The following ATAD2B variants were observed in gnomAD, a reference collection of about 807,000 sequenced individuals.
ATAD2B encodes the protein ATPase family AAA domain-containing protein 2B.
A neutral mutation model predicts 167.6 loss-of-function variants in ATAD2B; 40 were observed. The ratio of observed to expected loss-of-function variants is 0.24; its 90% confidence interval spans 0.19 to 0.31. The LOEUF (loss-of-function observed/expected upper bound fraction) is 0.31. Among genes scored for constraint, ATAD2B ranks in the 10% least tolerant of loss-of-function variants. The pLI is 1.00. For synonymous variants in ATAD2B, 579 were observed against 596.5 expected (o/e 0.97, Z 0.43); for missense variants, 1,242 against 1,757.2 (o/e 0.71, Z 5.24).
intron 8 of ATAD2B, among the ~76,000 whole-genome samples, chr2:23,869,999 G>C (rs999563723): frequency 1.3e-5 from 2 of 152,046 alleles, no homozygotes; most frequent in East Asian, 3.9e-4. Flanking sequence ...CATGAGGTCA[G>C]GAGTTCGAGA....
intron 24 of ATAD2B, among the ~76,000 whole-genome samples, chr2:23,760,751 TACACACAC>T (rs202241182): frequency 3.0e-5 from 3 of 100,342 alleles, no homozygotes; most frequent in Admixed American, 2.3e-4. Flanking sequence ...CACACACACA[TACACACAC>T]ACACACACAC....
intron 18 of ATAD2B, among the ~76,000 whole-genome samples, chr2:23,805,143 CAA>C (rs574560679): frequency 2.6e-4 from 30 of 113,836 alleles, no homozygotes; most frequent in Admixed American, 2.7e-4. Flanking sequence ...AACCCTGTCT[CAA>C]AAAAAAAAAA....
the ATAD2B span, chr2:23,684,307 A>T: frequency 2.1e-6 from 2 of 949,864 alleles, no homozygotes; most frequent in Non-Finnish European, 2.9e-6. The surrounding 1 kb of genome is among the most constrained non-coding windows in gnomAD (Gnocchi z 4.4). Context: ...CTATTTCTCT[A>T]CTTCTTGAAA....
In ATAD2B at chr2:23,796,062, G is replaced by A. The variant is rs72851347; in HGVS notation, c.2640+2076C>T. Among the ~76,000 whole-genome samples the A allele has an allele frequency of 3.9e-5, 6 of 152,226 alleles. 1 individual carries two copies. The South Asian group carries it at 6.2e-4, about 16-fold the overall frequency. ...AGCCTGGGAAACATAATGAGACTTCGTCTCTACAAAAGTAAGTAAACAAAT... is the reference window on the plus strand; with the variant it reads ...AGCCTGGGAAACATAATGAGACTTCATCTCTACAAAAGTAAGTAAACAAAT... On this transcript the variant is annotated intron_variant, in intron 19 of 27. Transcript: ENST00000238789.
At chr2:23,732,078 G>C in the ATAD2B span, among the ~76,000 whole-genome samples, 1 of 151,866 alleles carries the variant, frequency 6.6e-6, no homozygotes, top group Non-Finnish European at 1.5e-5. Flanking sequence ...ATCTCAATTT[G>C]TACTAGCCAC....
the ATAD2B span, among the ~76,000 whole-genome samples, chr2:23,712,257 C>T: frequency 6.6e-5 from 10 of 152,138 alleles, no homozygotes; most frequent in Non-Finnish European, 1.0e-4. Flanking sequence ...CTCAAAAATC[C>T]GTAGTAAGAA....
At chr2:23,887,691 G>A in intron 4 of ATAD2B, 141 bp downstream of exon 4, 2 of 654,790 alleles carry the variant, frequency 3.1e-6, no homozygotes, top group South Asian at 5.5e-5. Flanking sequence ...ATGTTGAACT[G>A]ACCCACCACA....
intron 12 of ATAD2B, among the ~76,000 whole-genome samples, chr2:23,858,038 C>T (rs529415432): frequency 2.0e-5 from 3 of 152,026 alleles, no homozygotes; most frequent in African/African-American, 4.8e-5. Context: ...CCACCACACC[C>T]GGCCACCAAA....
chr2:23,823,618 G>A (rs1244425302), intron 15 of ATAD2B, 49 bp from the exon 16 acceptor site: 2 of 1,500,062 alleles, frequency 1.3e-6, no homozygotes, highest in Non-Finnish European at 1.8e-6. Flanking sequence ...ATTATTCCAT[G>A]CACCAACTAT....
chr2:23,841,571 G>A (rs112758959), intron 13 of ATAD2B, among the ~76,000 whole-genome samples: 29 of 151,738 alleles, frequency 1.9e-4, no homozygotes, highest in African/African-American at 2.9e-4. Context: ...GCTGGAGTAC[G>A]GTAGTATTAT....
intron 22 of ATAD2B, among the ~76,000 whole-genome samples, chr2:23,774,312 T>C (rs1030643443): frequency 9.9e-5 from 15 of 152,040 alleles, no homozygotes; most frequent in African/African-American, 3.6e-4. Flanking sequence ...TAACCAGGCA[T>C]GGTTGTAAGT....
intron 1 of ATAD2B, among the ~76,000 whole-genome samples, chr2:23,905,110 T>C (rs367687552): frequency 6.6e-6 from 1 of 152,096 alleles, no homozygotes; most frequent in Non-Finnish European, 1.5e-5. Flanking sequence ...ATTAAAAAAG[T>C]CTATAATAAT....
intron 8 of ATAD2B, chr2:23,873,014 T>C (rs1696244690): frequency 7.3e-6 from 5 of 688,902 alleles, no homozygotes; most frequent in African/African-American, 5.2e-5. Context: ...TAGGTGGCCA[T>C]GGCAGCGGGC....
chr2:23,839,760 G>T (rs1690587504), intron 13 of ATAD2B, among the ~76,000 whole-genome samples: 1 of 152,052 alleles, frequency 6.6e-6, no homozygotes, highest in Admixed American at 6.5e-5. Context: ...CATATTTAAA[G>T]TATACATTTT....
the ATAD2B span, chr2:23,696,445 C>A: frequency 2.1e-5 from 33 of 1,550,716 alleles, no homozygotes; most frequent in Non-Finnish European, 2.5e-5. This position sits in a 1 kb window ranked among gnomAD's most constrained non-coding sequence, Gnocchi z 5.5. Flanking sequence ...ACAATAGCCT[C>A]GTCTACGATG....
Position 23,872,759 on chromosome 2 carries a change from G to T in ATAD2B, c.978-2998C>A, listed in dbSNP as rs553679837. Reference sequence around the variant, plus strand: ...ATAGTGCTGCTCACTGAGGCACCAAGTCCTCACTACAGGCAACCACATCTG... The same window carrying T: ...ATAGTGCTGCTCACTGAGGCACCAATTCCTCACTACAGGCAACCACATCTG... On this transcript the variant is annotated intron_variant, in intron 8 of 27. Transcript: ENST00000238789. 513 of 961,594 alleles carry T rather than the reference G, an allele frequency of 5.3e-4. 1 individual carries two copies. The highest frequency in any genetic ancestry group is 7.6e-4 in the Non-Finnish European group (453 of 596,472). The allele number at this position is 961,594 out of a possible 1,614,324, so 59.6% of individuals were successfully genotyped here.
At chr2:23,763,909 C>T (rs1336686772) in intron 23 of ATAD2B, among the ~76,000 whole-genome samples, 2 of 152,102 alleles carry the variant, frequency 1.3e-5, no homozygotes, top group African/African-American at 2.4e-5. Flanking sequence ...TTTTGAAGTT[C>T]GTCCATGTTG....
At chr2:23,856,982 G>C (rs1011106544) in intron 13 of ATAD2B, among the ~76,000 whole-genome samples, 1 of 152,146 alleles carries the variant, frequency 6.6e-6, no homozygotes, top group East Asian at 1.9e-4. Flanking sequence ...GCTGACTGGG[G>C]AGGATGGTTT....
At chr2:23,872,545 A>G in intron 8 of ATAD2B, 1 of 974,850 alleles carries the variant, frequency 1.0e-6, no homozygotes. Flanking sequence ...AGTCCTTCAG[A>G]CTCTCACAGG....
Sources: allele counts gnomAD v4.1 joint callset (sites outside exome capture counted in the v4.1 genomes callset), GRCh38; gene constraint gnomAD v4.1.1; non-coding constraint Gnocchi (gnomAD v3.1); transcripts MANE v1.5; gene names NCBI Gene and HGNC (gene_info 2026-07-23, HGNC 2026-07-21).